The following MACROD2 variants were observed in gnomAD, a reference collection of about 807,000 sequenced individuals.
The protein encoded by MACROD2 is ADP-ribose glycohydrolase MACROD2.
A neutral mutation model predicts 70.4 loss-of-function variants in MACROD2; 36 were observed. The observed-to-expected ratio is 0.51, with a 90% CI of 0.39 to 0.68. The LOEUF (loss-of-function observed/expected upper bound fraction) is 0.68. Among genes scored for constraint, MACROD2 ranks in the 30% least tolerant of loss-of-function variants. MACROD2 has a pLI of 0.00. For missense variants in MACROD2, 496 were observed against 538.4 expected, an observed-to-expected ratio of 0.92 and a Z score of 0.78; for synonymous variants, 172 against 178.8, an observed-to-expected ratio of 0.96 and a Z score of 0.30.
At chr20:15,729,651 T>G (rs2050915204) in intron 8 of MACROD2, among the ~76,000 whole-genome samples, 1 of 152,124 alleles carries the variant, frequency 6.6e-6, no homozygotes, top group Non-Finnish European at 1.5e-5. Flanking sequence ...AGTGCCCTTC[T>G]TTGTCTTTTT....
intron 15 of MACROD2, among the ~76,000 whole-genome samples, chr20:15,999,009 A>T (rs998533522): frequency 1.3e-5 from 2 of 152,046 alleles, no homozygotes; most frequent in Non-Finnish European, 2.9e-5. Context: ...TAGAGATTTC[A>T]GTCCTAAATT....
intron 8 of MACROD2, among the ~76,000 whole-genome samples, chr20:15,525,040 C>T (rs544652359): frequency 6.6e-6 from 1 of 152,158 alleles, no homozygotes; most frequent in Admixed American, 6.5e-5. Context: ...TGCGATTGCC[C>T]CACTGGCTTA....
At chr20:14,986,027 T>A (rs2074845880) in intron 5 of MACROD2, among the ~76,000 whole-genome samples, 1 of 152,152 alleles carries the variant, frequency 6.6e-6, no homozygotes, top group Non-Finnish European at 1.5e-5. Flanking sequence ...AGTCTGAAGA[T>A]TGAAAATAAC....
intron 4 of MACROD2, among the ~76,000 whole-genome samples, chr20:14,516,583 G>T (rs1013444788): frequency 6.6e-6 from 1 of 152,046 alleles, no homozygotes; most frequent in African/African-American, 2.4e-5. Context: ...TCTTGTTTTT[G>T]TCAGGTTTGT....
intron 12 of MACROD2, among the ~76,000 whole-genome samples, chr20:15,954,095 G>T (rs2065943585): frequency 6.6e-6 from 1 of 152,020 alleles, no homozygotes; most frequent in South Asian, 2.1e-4. Flanking sequence ...AAAGTTCAGG[G>T]TCATATTAAT....
intron 6 of MACROD2, among the ~76,000 whole-genome samples, chr20:15,285,886 T>G (rs1331372603): frequency 1.3e-5 from 2 of 150,600 alleles, no homozygotes; most frequent in Non-Finnish European, 3.0e-5. Context: ...TTCCATTTTT[T>G]GGGGGGGTTG....
At chr20:14,661,190 T>A (rs933178118) in intron 4 of MACROD2, among the ~76,000 whole-genome samples, 1 of 152,148 alleles carries the variant, frequency 6.6e-6, no homozygotes, top group Non-Finnish European at 1.5e-5. Flanking sequence ...TGTTCTGTTT[T>A]CTCTGCAATC....
chr20:14,008,837 G>C (rs1372366834), intron 2 of MACROD2, among the ~76,000 whole-genome samples: 1 of 122,520 alleles, frequency 8.2e-6, no homozygotes, highest in African/African-American at 3.6e-5. Context: ...TGTGATCTCC[G>C]ACAAACCTGG....
intron 2 of MACROD2, among the ~76,000 whole-genome samples, chr20:14,070,995 CAT>C (rs758164428): frequency 1.1e-4 from 16 of 152,216 alleles, no homozygotes; most frequent in South Asian, 4.2e-4. Flanking sequence ...CCTTCCAAAA[CAT>C]AGTAGCTTAA....
At chr20:14,349,432 G>T (rs2083098453) in intron 3 of MACROD2, among the ~76,000 whole-genome samples, 1 of 150,022 alleles carries the variant, frequency 6.7e-6, no homozygotes. Context: ...ATTTTAAAAT[G>T]GCTATAGTCA....
At chr20:14,090,905 A>G (rs1192461713) in intron 3 of MACROD2, among the ~76,000 whole-genome samples, 5 of 152,208 alleles carry the variant, frequency 3.3e-5, no homozygotes, top group African/African-American at 1.2e-4. Flanking sequence ...CCTCACCAAC[A>G]CTTGTTAGCT....
intron 5 of MACROD2, among the ~76,000 whole-genome samples, chr20:14,718,952 A>G (rs529144575): frequency 6.6e-6 from 1 of 152,246 alleles, no homozygotes. Context: ...ACATATAGTC[A>G]GCCGGGTGTG....
intron 3 of MACROD2, among the ~76,000 whole-genome samples, chr20:14,384,408 G>T (rs1160503509): frequency 4.6e-5 from 7 of 152,122 alleles, no homozygotes; most frequent in Admixed American, 4.6e-4. Flanking sequence ...GACATAATTG[G>T]CACTAAGAAA....
chr20:15,226,309 T>C (rs935477725), intron 5 of MACROD2, among the ~76,000 whole-genome samples: 1 of 152,210 alleles, frequency 6.6e-6, no homozygotes, highest in Admixed American at 6.5e-5. Context: ...CTGTCATTCC[T>C]GCCTGTGTGC....
At chr20:15,891,342 A>G (rs181782972) in intron 10 of MACROD2, among the ~76,000 whole-genome samples, 2 of 152,322 alleles carry the variant, frequency 1.3e-5, no homozygotes, top group East Asian at 1.9e-4. Flanking sequence ...AGGTGAGGCT[A>G]GTGTGGTAAG....
chr20:15,713,303 G>A (rs1481208390), intron 8 of MACROD2, among the ~76,000 whole-genome samples: 3 of 152,172 alleles, frequency 2.0e-5, no homozygotes, highest in African/African-American at 7.2e-5. Flanking sequence ...TACTTATAAA[G>A]CAGCGGAATC....
At chr20:14,417,434 A>G (rs1162911549) in intron 3 of MACROD2, among the ~76,000 whole-genome samples, 1 of 152,184 alleles carries the variant, frequency 6.6e-6, no homozygotes, top group African/African-American at 2.4e-5. Context: ...AGGAAAGTCA[A>G]TGCTTACCTG....
intron 8 of MACROD2, among the ~76,000 whole-genome samples, chr20:15,536,787 A>G (rs1186744299): frequency 6.6e-6 from 1 of 152,194 alleles, no homozygotes; most frequent in Non-Finnish European, 1.5e-5. Context: ...TTTCCATCCT[A>G]AGATATACTT....
At chr20:14,637,642 C>T (rs779731273) in intron 4 of MACROD2, among the ~76,000 whole-genome samples, 2 of 152,302 alleles carry the variant, frequency 1.3e-5, no homozygotes, top group Non-Finnish European at 2.9e-5. Flanking sequence ...CATTGTACTA[C>T]AGCAATAATC....
Sources: allele counts gnomAD v4.1 joint callset (sites outside exome capture counted in the v4.1 genomes callset), GRCh38; gene constraint gnomAD v4.1.1; transcripts MANE v1.5; gene names NCBI Gene and HGNC (gene_info 2026-07-23, HGNC 2026-07-21).